The following RANBP2 variants were observed in gnomAD, a reference collection of about 807,000 sequenced individuals.
RANBP2 encodes RAN binding protein 2, also known as E3 SUMO-protein ligase RanBP2.
In RANBP2, 57 loss-of-function variants were observed where a neutral mutation model predicts 303.6. That is an observed-to-expected ratio of 0.19 (90% CI 0.15 to 0.23). The LOEUF (loss-of-function observed/expected upper bound fraction) is 0.23. RANBP2 is among the 10% of genes least tolerant of loss of function. The pLI, the probability that RANBP2 is intolerant of heterozygous loss-of-function variation, is 1.00. For synonymous variants in RANBP2, 1,167 were observed against 1,301.5 expected (o/e 0.90, Z 2.23); for missense variants, 3,138 against 3,780.8 (o/e 0.83, Z 4.46).
At chr2:109,107,033 G>A in the RANBP2 span, among the ~76,000 whole-genome samples, 1 of 150,908 alleles carries the variant, frequency 6.6e-6, no homozygotes, top group Admixed American at 6.6e-5. Context: ...TGCCTCCTGG[G>A]TTCAAGCGAT....
At chr2:109,094,464 C>T in the RANBP2 span, among the ~76,000 whole-genome samples, 2 of 152,146 alleles carry the variant, frequency 1.3e-5, no homozygotes, top group African/African-American at 4.8e-5. Context: ...AATTAAGAAA[C>T]TGGCAAATGA....
the RANBP2 span, among the ~76,000 whole-genome samples, chr2:109,400,553 G>A: frequency 1.4e-4 from 20 of 146,928 alleles, no homozygotes; most frequent in African/African-American, 4.6e-4. Context: ...ACACACGTAC[G>A]TATACACATA....
the RANBP2 span, among the ~76,000 whole-genome samples, chr2:109,537,871 C>T: frequency 2.6e-5 from 4 of 152,082 alleles, no homozygotes; most frequent in Non-Finnish European, 4.4e-5. Context: ...TTGCTTGAGC[C>T]CAGGAGGCAG....
At chr2:109,536,626 A>AGACT in the RANBP2 span, among the ~76,000 whole-genome samples, 1 of 152,142 alleles carries the variant, frequency 6.6e-6, no homozygotes, top group African/African-American at 2.4e-5. Flanking sequence ...AAATGAGTTA[A>AGACT]GACTTTGGGG....
chr2:108,750,452 C>T (rs1313644375), intron 9 of RANBP2, among the ~76,000 whole-genome samples: 2 of 152,148 alleles, frequency 1.3e-5, no homozygotes, highest in African/African-American at 4.8e-5. Flanking sequence ...CATAGAGATA[C>T]CTAAAAACAG....
the RANBP2 span, chr2:108,989,449 C>T: frequency 6.6e-6 from 1 of 152,406 alleles, no homozygotes; most frequent in Admixed American, 6.6e-5. Context: ...TCTATCAGAG[C>T]CTTTAGGCGT....
chr2:109,015,118 CAAAAAAAAAAAAAAAAAAAAAAAAAAAAA>C, the RANBP2 span, among the ~76,000 whole-genome samples: 1 of 68,810 alleles, frequency 1.5e-5, no homozygotes, highest in Admixed American at 2.3e-4. Context: ...GACTCCATCT[CAAAAAAAAAAAAAAAAAAAAAAAAAAAAA>C]AAAAAAAAAA....
At chr2:109,159,839 T>A in the RANBP2 span, among the ~76,000 whole-genome samples, 1 of 152,224 alleles carries the variant, frequency 6.6e-6, no homozygotes, top group Admixed American at 6.5e-5. Context: ...TCATGATCTG[T>A]CACTGTCTTC....
chr2:108,723,695 T>A (rs1326145793), intron 1 of RANBP2, among the ~76,000 whole-genome samples: 1 of 152,216 alleles, frequency 6.6e-6, no homozygotes, highest in African/African-American at 2.4e-5. Context: ...ATATTTAACA[T>A]TTATATAAAT....
chr2:109,043,772 G>A, the RANBP2 span, among the ~76,000 whole-genome samples: 1 of 152,236 alleles, frequency 6.6e-6, no homozygotes, highest in African/African-American at 2.4e-5. Context: ...GGAACATCAT[G>A]TTGAAGAAGT....
chr2:109,406,550 A>AC, the RANBP2 span, among the ~76,000 whole-genome samples: 1 of 152,068 alleles, frequency 6.6e-6, no homozygotes, highest in Non-Finnish European at 1.5e-5. Context: ...ACACCAACAA[A>AC]CACCAGGCTG....
At chr2:109,273,685 C>T in the RANBP2 span, among the ~76,000 whole-genome samples, 148 of 152,232 alleles carry the variant, frequency 9.7e-4, no homozygotes, top group African/African-American at 3.3e-3. Context: ...TGGGGACACA[C>T]GTTGTCAGGG....
the RANBP2 span, among the ~76,000 whole-genome samples, chr2:109,720,482 A>C: frequency 6.6e-6 from 1 of 152,088 alleles, no homozygotes; most frequent in African/African-American, 2.4e-5. Context: ...CACAGGTAAG[A>C]CCTGAGTATC....
At chr2:109,523,834 A>T in the RANBP2 span, among the ~76,000 whole-genome samples, 7,385 of 152,216 alleles carry the variant, frequency 0.049, 607 homozygotes, top group African/African-American at 0.17. Flanking sequence ...TGGGCCACCA[A>T]GCAGCCTGCG....
the RANBP2 span, among the ~76,000 whole-genome samples, chr2:108,977,429 T>C: frequency 0.77 from 117,715 of 151,988 alleles, 47,122 homozygotes; most frequent in South Asian, 0.87. Flanking sequence ...CCACCATGCC[T>C]GGCTAATTTT....
the RANBP2 span, among the ~76,000 whole-genome samples, chr2:109,390,160 T>C: frequency 6.6e-6 from 1 of 152,198 alleles, no homozygotes; most frequent in African/African-American, 2.4e-5. Flanking sequence ...CTCTTCACTG[T>C]CCCAACAGAG....
At chr2:109,423,348 C>G in the RANBP2 span, among the ~76,000 whole-genome samples, 1,188 of 152,262 alleles carry the variant, frequency 7.8e-3, 11 homozygotes, top group Non-Finnish European at 0.014. Flanking sequence ...GGGATGACCT[C>G]GCAGACCTTG....
chr2:109,367,363 C>T, the RANBP2 span, among the ~76,000 whole-genome samples: 1 of 152,126 alleles, frequency 6.6e-6, no homozygotes, highest in Non-Finnish European at 1.5e-5. Context: ...CTTACTGCAA[C>T]CTCTGCCTCC....
chr2:109,190,482 A>ATTT, the RANBP2 span, among the ~76,000 whole-genome samples: 2 of 152,150 alleles, frequency 1.3e-5, no homozygotes, highest in African/African-American at 2.4e-5. Context: ...TCGACATCCT[A>ATTT]TTTTTATAGA....
Sources: gnomAD v4.1 joint callset for allele counts (sites outside exome capture counted in the v4.1 genomes callset) on GRCh38, gnomAD v4.1.1 for gene constraint, MANE v1.5 for transcripts, NCBI Gene and HGNC (gene_info 2026-07-23, HGNC 2026-07-21) for gene names.